KIF16B: variants seen among roughly 807,000 people sequenced by gnomAD.
KIF16B encodes kinesin-like protein KIF16B.
Under a neutral mutation model 156.3 loss-of-function variants are expected in KIF16B, and 98 were observed. That is an observed-to-expected ratio of 0.63 (90% CI 0.53 to 0.74). KIF16B has a LOEUF of 0.74. KIF16B is among the 30% of genes least tolerant of loss of function. The pLI, the probability that KIF16B is intolerant of heterozygous loss-of-function variation, is 0.00. For synonymous variants in KIF16B, 564 were observed against 583.7 expected (o/e 0.97, Z 0.49); for missense variants, 1,421 against 1,606.5 (o/e 0.88, Z 1.97).
chr20:16,455,735 T>C (rs1017303830), intron 12 of KIF16B, among the ~76,000 whole-genome samples: 14 of 151,860 alleles, frequency 9.2e-5, no homozygotes, highest in African/African-American at 3.1e-4. Flanking sequence ...CATTAAGGAG[T>C]GAGAACAGGC....
chr20:16,562,833 T>C (rs1162189777), intron 1 of KIF16B, among the ~76,000 whole-genome samples: 2 of 152,208 alleles, frequency 1.3e-5, no homozygotes, highest in Non-Finnish European at 2.9e-5. Flanking sequence ...AGACAGAACC[T>C]GATCCTTCTT....
chr20:16,467,103 T>C (rs960019748), intron 12 of KIF16B, among the ~76,000 whole-genome samples: 20 of 152,208 alleles, frequency 1.3e-4, no homozygotes, highest in African/African-American at 4.8e-4. Context: ...CCTAACCTGC[T>C]TGGATTACAT....
intron 17 of KIF16B, among the ~76,000 whole-genome samples, chr20:16,399,591 T>C (rs994734706): frequency 1.3e-5 from 2 of 152,210 alleles, no homozygotes; most frequent in Non-Finnish European, 2.9e-5. Context: ...AAATATCACC[T>C]GTGACAGGCC....
At chr20:16,455,129 G>C (rs1266592250) in intron 12 of KIF16B, among the ~76,000 whole-genome samples, 1 of 152,092 alleles carries the variant, frequency 6.6e-6, no homozygotes, top group Non-Finnish European at 1.5e-5. Context: ...ATAATCAAAG[G>C]AGAAAAAGCC....
chr20:16,484,155 G>A (rs1437815466), intron 12 of KIF16B, among the ~76,000 whole-genome samples: 3 of 152,130 alleles, frequency 2.0e-5, no homozygotes, highest in Non-Finnish European at 2.9e-5. Context: ...TTAACATGGT[G>A]CACATGAATT....
chr20:16,573,158 G>A (rs1422233198), intron 1 of KIF16B, 71 bp downstream of exon 1: 3 of 1,428,756 alleles, frequency 2.1e-6, no homozygotes, highest in African/African-American at 2.8e-5. Context: ...GCTGGCTTTG[G>A]GGGAGCTGGA....
chr20:16,346,896 C>T (rs1247626544), intron 23 of KIF16B, among the ~76,000 whole-genome samples: 1 of 151,988 alleles, frequency 6.6e-6, no homozygotes, highest in Non-Finnish European at 1.5e-5. Flanking sequence ...TTTAAATTAC[C>T]CAGATATTCA....
At chr20:16,278,416 C>T (rs1345106259) in intron 25 of KIF16B, among the ~76,000 whole-genome samples, 1 of 152,054 alleles carries the variant, frequency 6.6e-6, no homozygotes, top group Non-Finnish European at 1.5e-5. Context: ...TGACTTGGAC[C>T]AATACTGATG....
At chr20:16,428,019 T>A (rs2066400882) in intron 14 of KIF16B, among the ~76,000 whole-genome samples, 1 of 152,154 alleles carries the variant, frequency 6.6e-6, no homozygotes, top group South Asian at 2.1e-4. Flanking sequence ...AAAACGTGTG[T>A]TCTTACCATC....
intron 12 of KIF16B, among the ~76,000 whole-genome samples, chr20:16,437,531 A>T (rs1179657199): frequency 6.6e-6 from 1 of 152,206 alleles, no homozygotes; most frequent in African/African-American, 2.4e-5. Context: ...ACACCCCTTG[A>T]GAGTCACGGG....
At chr20:16,547,536 A>C (rs941182691) in intron 1 of KIF16B, among the ~76,000 whole-genome samples, 1 of 152,184 alleles carries the variant, frequency 6.6e-6, no homozygotes, top group African/African-American at 2.4e-5. Flanking sequence ...ATATTCTTTG[A>C]AACTGTGTCA....
chr20:16,273,262 C>A lies in KIF16B; in HGVS notation c.3945G>T (p.Gly1315=). The change falls in exon 26 of 26, where the codon GGG becomes GGT. Residue 1315 remains glycine, a synonymous_variant. Coordinates refer to ENST00000354981, the MANE Select transcript of KIF16B (RefSeq NM_024704.5). ...TCCATCACCCCTGGCTCTACCCCGT[C>A]CCGTGGCTGCTGTAGTCAAAGACTC... ...KKGVFDYSSH[G]TG 1 of 1,614,052 alleles carries A rather than the reference C, an allele frequency of 6.2e-7. No homozygotes were observed.
intron 12 of KIF16B, among the ~76,000 whole-genome samples, chr20:16,438,832 A>G (rs1450596570): frequency 6.6e-6 from 1 of 152,246 alleles, no homozygotes; most frequent in African/African-American, 2.4e-5. Flanking sequence ...CTGGTAGGCC[A>G]GTAACATGTT....
chr20:16,414,110 G>C (rs1291982997), intron 15 of KIF16B, among the ~76,000 whole-genome samples: 2 of 151,962 alleles, frequency 1.3e-5, no homozygotes, highest in African/African-American at 4.8e-5. Context: ...ATATGTTCTA[G>C]GGCCTTAGAC....
At chr20:16,546,130 A>G (rs1325702378) in intron 1 of KIF16B, among the ~76,000 whole-genome samples, 1 of 152,202 alleles carries the variant, frequency 6.6e-6, no homozygotes, top group Non-Finnish European at 1.5e-5. Context: ...ATTGCCAAGC[A>G]CAGTGGTTTA....
At chr20:16,414,884 G>A (rs758151341) in intron 15 of KIF16B, among the ~76,000 whole-genome samples, 2 of 152,112 alleles carry the variant, frequency 1.3e-5, no homozygotes, top group Non-Finnish European at 2.9e-5. Context: ...ATTCAGTACA[G>A]TATTCAACAA....
chr20:16,476,928 T>C (rs1401572032), intron 12 of KIF16B, among the ~76,000 whole-genome samples: 5 of 152,014 alleles, frequency 3.3e-5, no homozygotes, highest in South Asian at 2.1e-4. Context: ...CATGTATTTT[T>C]AGTAGAGATG....
At chr20:16,314,580 G>T (rs545138140) in intron 24 of KIF16B, among the ~76,000 whole-genome samples, 2 of 152,308 alleles carry the variant, frequency 1.3e-5, no homozygotes, top group African/African-American at 4.8e-5. Context: ...ATCCTGGCTT[G>T]ACCACTAACC....
Position 16,470,668 on chromosome 20 carries a change from T to C in KIF16B, c.1302+23623A>G, listed in dbSNP as rs1268753823. On this transcript the variant is annotated intron_variant, in intron 12 of 25. Coordinates refer to ENST00000354981, the MANE Select transcript of KIF16B (RefSeq NM_024704.5). ...CCAGCAAATTCTTTTTTTCTTTTTT[T>C]TTTTTTTTGGTAGAGACAGGGTTTC... is the stretch of plus-strand genomic sequence containing the variant. Among the ~76,000 whole-genome samples, 2 of 150,980 alleles carry C rather than the reference T, an allele frequency of 1.3e-5. 1 individual carries two copies. The highest frequency in any genetic ancestry group is 3.9e-4 in the East Asian group (2 of 5,168).
Sources: allele counts gnomAD v4.1 joint callset (sites outside exome capture counted in the v4.1 genomes callset), GRCh38; gene constraint gnomAD v4.1.1; transcripts MANE v1.5; gene names NCBI Gene and HGNC (gene_info 2026-07-23, HGNC 2026-07-21).